PRP4K: variants seen among roughly 807,000 people sequenced by gnomAD.
The protein encoded by PRP4K is pre-mRNA processing factor kinase PRP4K, also known as serine/threonine-protein kinase PRP4 homolog.
chr6:4,033,431 C>T, the PRP4K span, among the ~76,000 whole-genome samples: 4 of 152,072 alleles, frequency 2.6e-5, no homozygotes, highest in Non-Finnish European at 5.9e-5. Context: ...GGTGAAGGGG[C>T]TCTCATACCT....
the PRP4K span, among the ~76,000 whole-genome samples, chr6:4,038,107 A>T: frequency 6.6e-6 from 1 of 152,122 alleles, no homozygotes; most frequent in Non-Finnish European, 1.5e-5. Flanking sequence ...ATAAAACATA[A>T]ATGGGTATTT....
At chr6:4,027,599 GT>G in the PRP4K span, among the ~76,000 whole-genome samples, 16,947 of 97,280 alleles carry the variant, frequency 0.17, 3,549 homozygotes, top group Non-Finnish European at 0.22. Context: ...TGGCGGAGGG[GT>G]GGGGGGGTGG....
the PRP4K span, among the ~76,000 whole-genome samples, chr6:4,028,362 C>T: frequency 6.6e-6 from 1 of 151,914 alleles, no homozygotes; most frequent in African/African-American, 2.4e-5. Flanking sequence ...CACATGCTGC[C>T]ATACCCAGTT....
At chr6:4,046,615 T>C in the PRP4K span, among the ~76,000 whole-genome samples, 1 of 152,186 alleles carries the variant, frequency 6.6e-6, no homozygotes, top group Admixed American at 6.5e-5. Flanking sequence ...TATTAGCTTA[T>C]TCATGTAAAC....
the PRP4K span, among the ~76,000 whole-genome samples, chr6:4,039,988 C>G: frequency 6.6e-6 from 1 of 151,858 alleles, no homozygotes; most frequent in Non-Finnish European, 1.5e-5. Context: ...GCCTCAACCT[C>G]CTGGGCTCAA....
At chr6:4,049,419 C>T in the PRP4K span, 12 of 448,052 alleles carry the variant, frequency 2.7e-5, no homozygotes, top group African/African-American at 1.2e-4. Flanking sequence ...CCAAGAAAAA[C>T]GACAAACAGG....
chr6:4,024,341 A>C, the PRP4K span, among the ~76,000 whole-genome samples: 1 of 152,096 alleles, frequency 6.6e-6, no homozygotes, highest in East Asian at 1.9e-4. Context: ...CAGTTTCTTA[A>C]AAGATATATA....
the PRP4K span, chr6:4,056,229 A>G: frequency 2.1e-5 from 18 of 839,702 alleles, no homozygotes; most frequent in East Asian, 4.3e-4. Flanking sequence ...CAGTATTGGA[A>G]TTAATAAAAC....
chr6:4,032,214 C>G, the PRP4K span: 3 of 1,613,866 alleles, frequency 1.9e-6, no homozygotes, highest in South Asian at 3.3e-5. Flanking sequence ...AAGTAAGTCT[C>G]AAGATCAAGC....
At chr6:4,056,465 C>T in the PRP4K span, 2 of 1,611,478 alleles carry the variant, frequency 1.2e-6, no homozygotes, top group African/African-American at 1.3e-5. Context: ...TTGACCTGGG[C>T]CATCATATGT....
the PRP4K span, among the ~76,000 whole-genome samples, chr6:4,034,052 T>G: frequency 6.6e-6 from 1 of 152,142 alleles, no homozygotes; most frequent in East Asian, 1.9e-4. Flanking sequence ...GAAATCCAAA[T>G]AAGCCTGTAA....
the PRP4K span, chr6:4,044,079 T>C: frequency 3.3e-6 from 5 of 1,520,592 alleles, no homozygotes; most frequent in Admixed American, 5.1e-5. Flanking sequence ...TCTGTAACTT[T>C]ATAATAAGAG....
chr6:4,044,315 G>T, the PRP4K span: 69 of 297,134 alleles, frequency 2.3e-4, no homozygotes, highest in Non-Finnish European at 4.0e-4. Flanking sequence ...CCCCTTCTGG[G>T]TACTTGTTTG....
At chr6:4,037,833 A>G in the PRP4K span, among the ~76,000 whole-genome samples, 1 of 151,472 alleles carries the variant, frequency 6.6e-6, no homozygotes, top group Non-Finnish European at 1.5e-5. Flanking sequence ...TTATCAATCA[A>G]TACTAAATGA....
chr6:4,032,979 T>A, the PRP4K span, among the ~76,000 whole-genome samples: 1 of 152,248 alleles, frequency 6.6e-6, no homozygotes, highest in African/African-American at 2.4e-5. Flanking sequence ...ATACTGAGCT[T>A]GATGATAGAA....
At chr6:4,050,459 C>G in the PRP4K span, 1 of 343,386 alleles carries the variant, frequency 2.9e-6, no homozygotes, top group African/African-American at 2.0e-5. Context: ...TAAACTCCTT[C>G]CCTCTATTGT....
At chr6:4,040,932 G>A in the PRP4K span, 30 of 1,606,426 alleles carry the variant, frequency 1.9e-5, no homozygotes, top group Admixed American at 3.5e-5. Flanking sequence ...TGATAAGTAA[G>A]AATAGAACTT....
At chr6:4,034,680 C>T in the PRP4K span, among the ~76,000 whole-genome samples, 2 of 151,778 alleles carry the variant, frequency 1.3e-5, no homozygotes, top group Non-Finnish European at 2.9e-5. Flanking sequence ...TGAGGGTGAA[C>T]ATTTTTATTT....
chr6:4,053,675 G>A, the PRP4K span, among the ~76,000 whole-genome samples: 10 of 152,220 alleles, frequency 6.6e-5, no homozygotes, highest in South Asian at 2.1e-3. Context: ...ACTTTACCCT[G>A]TTTTGTGGCC....
Sources: allele counts gnomAD v4.1 joint callset (sites outside exome capture counted in the v4.1 genomes callset), GRCh38; gene constraint gnomAD v4.1.1; transcripts MANE v1.5; gene names NCBI Gene and HGNC (gene_info 2026-07-23, HGNC 2026-07-21).